The following PLBD1 variants were observed in gnomAD, a reference collection of about 807,000 sequenced individuals.
The protein encoded by PLBD1 is lysosomal leucine aminopeptidase.
Under a neutral mutation model 63.0 loss-of-function variants are expected in PLBD1, and 60 were observed. The ratio of observed to expected loss-of-function variants is 0.95; its 90% CI spans 0.77 to 1.18. The LOEUF (loss-of-function observed/expected upper bound fraction) is 1.18, where lower values mean the gene tolerates loss of function less well. Among genes scored for constraint, PLBD1 ranks in the 50% most tolerant of loss-of-function variants. PLBD1 has a pLI of 0.00. For synonymous variants in PLBD1, 262 were observed against 248.0 expected, an observed-to-expected ratio of 1.06 and a Z score of -0.53; for missense variants, 598 against 677.9, an observed-to-expected ratio of 0.88 and a Z score of 1.31.
chr12:14,534,253 A>G (rs1300619124), intron 6 of PLBD1, among the ~76,000 whole-genome samples: 1 of 152,200 alleles, frequency 6.6e-6, no homozygotes, highest in Non-Finnish European at 1.5e-5. Context: ...ACGGATGCGT[A>G]ATTAAAGGTC....
At chr12:14,538,715 C>T (rs1443086663) in intron 4 of PLBD1, among the ~76,000 whole-genome samples, 1 of 152,074 alleles carries the variant, frequency 6.6e-6, no homozygotes, top group East Asian at 1.9e-4. Flanking sequence ...AAATTGTCCT[C>T]ATACGAATTG....
At chr12:14,553,131 T>G (rs565862886) in intron 2 of PLBD1, 62 bp downstream of exon 2, 31 of 1,387,754 alleles carry the variant, frequency 2.2e-5, no homozygotes, top group Admixed American at 2.0e-5. Flanking sequence ...TGAGAGTCAC[T>G]GTGGAACATG....
At position 14,567,847 on chromosome 12, in the gene PLBD1, G is replaced by T. The variant is rs1325316622; in HGVS notation, c.-151C>A. The T allele has an allele frequency of 1.8e-6, 2 of 1,099,004 alleles. No individual in the cohort carries two copies. Among genetic ancestry groups the T allele is most frequent in the Non-Finnish European group, 2.4e-6 (2 of 835,686 alleles). 68.1% of individuals were successfully genotyped at this position (1,099,004 alleles called of 1,614,324 possible). The stretch of plus-strand genomic sequence containing the variant: ...CTTTCCTCTTTCTTGAGCCCGGCCT[G>T]CTCCGGGCTCTGAGGGGCGAGGACG... On this transcript the variant is annotated 5_prime_UTR_variant, in exon 1 of 11. Transcript: ENST00000240617.
At chr12:14,536,817 G>T in intron 4 of PLBD1, 107 bp from the exon 5 acceptor site, 1 of 1,413,510 alleles carries the variant, frequency 7.1e-7, no homozygotes, top group South Asian at 1.3e-5. Context: ...GGCTGTGCAT[G>T]GTGGCTCACG....
At chr12:14,532,257 G>C (rs977230531) in intron 6 of PLBD1, among the ~76,000 whole-genome samples, 12 of 152,128 alleles carry the variant, frequency 7.9e-5, no homozygotes, top group African/African-American at 2.7e-4. Context: ...TGCTGCAAAG[G>C]CCCGTTTGTG....
At position 14,511,267 on chromosome 12, in the gene PLBD1, T is replaced by C. The variant is rs149403554; in HGVS notation, c.1179A>G (p.Leu393=). The C allele has an allele frequency of 3.8e-6, 6 of 1,591,994 alleles. No homozygotes were observed. The highest frequency in any genetic ancestry group is 5.1e-6 in the Non-Finnish European group (6 of 1,172,238). The part of the protein sequence containing the change: ...YVEYSEQTDV[L]RKGYWPSYNV... ...ACGACATGAAGAAAGTACCTTTCCG[T>C]AGAACATCAGTTTGTTCAGAATATT... is the stretch of plus-strand genomic sequence containing the variant. Residue 393 remains leucine (L), a synonymous_variant, in exon 8 of 11, where the codon CTA becomes CTG. Coordinates refer to ENST00000240617, the MANE Select transcript of PLBD1 (RefSeq NM_024829.6).
intron 8 of PLBD1, 85 bp downstream of exon 8, chr12:14,511,175 A>C: frequency 1.6e-6 from 2 of 1,217,430 alleles, no homozygotes; most frequent in Non-Finnish European, 2.3e-6. Context: ...CCCCCACCAC[A>C]CATTCACACA....
rs1141509 is a variant in PLBD1 at position 14,567,620 on chromosome 12, G to T, written c.77C>A (p.Pro26Gln). ...PPLLLLLLLL[P>Q]LLLVTAEPPK... ...CGGCTCCGCGGTGACTAACAACAGC[G>T]GCAGCAGCAGCAGCAGCAGCAGAAG... The change falls in exon 1 of 11, where the codon CCG becomes CAG. Residue 26 changes from proline (P) to glutamine (Q), a missense_variant. By Grantham distance (76) the Pro-to-Gln change is moderately conservative. Coordinates refer to ENST00000240617, the MANE Select transcript of PLBD1 (RefSeq NM_024829.6). 411,898 of 1,478,194 alleles carry T rather than the reference G, an allele frequency of 0.28. 56,494 individuals carry two copies. Among genetic ancestry groups the T allele is most frequent in the Admixed American group, 0.32 (14,370 of 44,294 alleles). The allele number at this position is 1,478,194 out of a possible 1,614,324, so 91.6% of individuals were successfully genotyped here.
chr12:14,541,000 G>C, intron 3 of PLBD1, 98 bp from the exon 4 acceptor site: 1 of 1,243,944 alleles, frequency 8.0e-7, no homozygotes, highest in South Asian at 2.0e-5. Context: ...AGACACTTAT[G>C]CTAATGTGAT....
At chr12:14,554,670 A>G (rs1360605466) in intron 1 of PLBD1, among the ~76,000 whole-genome samples, 3 of 151,686 alleles carry the variant, frequency 2.0e-5, no homozygotes, top group East Asian at 1.9e-4. Context: ...CAGGATACCA[A>G]TGCGTCTTCT....
chr12:14,547,683 A>G (rs1592007103), intron 2 of PLBD1, among the ~76,000 whole-genome samples: 1 of 152,096 alleles, frequency 6.6e-6, no homozygotes, highest in Non-Finnish European at 1.5e-5. Flanking sequence ...CATGTTGAGA[A>G]TCAAAAAGAC....
intron 6 of PLBD1, among the ~76,000 whole-genome samples, chr12:14,532,173 A>G (rs953289621): frequency 3.3e-5 from 5 of 152,112 alleles, no homozygotes; most frequent in Admixed American, 2.0e-4. Context: ...TCCCAATCAC[A>G]CCAGAAAAAT....
chr12:14,506,214 C>G lies in PLBD1; in HGVS notation c.1427G>C (p.Arg476Pro), dbSNP rs149722587. 2.2e-5 allele frequency: 36 copies of G among 1,612,954 alleles called. No homozygotes were observed. The highest frequency in any genetic ancestry group is 2.6e-5 in the Non-Finnish European group (31 of 1,179,390). ...RGDPCNTICC[R>P]EDLNSPNPSP... The stretch of plus-strand genomic sequence containing the variant: ...TGGGTTAGGTGAGTTCAGGTCCTCA[C>G]GGCAGCAGATGGTATTACAGGGGTC... The change falls in exon 10 of 11, where the codon CGT (arginine) becomes CCT (proline). Residue 476 changes from arginine to proline, a missense_variant. Coordinates refer to ENST00000240617, the MANE Select transcript of PLBD1 (RefSeq NM_024829.6).
chr12:14,551,531 T>A (rs1296547888), intron 2 of PLBD1, among the ~76,000 whole-genome samples: 6 of 152,200 alleles, frequency 3.9e-5, no homozygotes, highest in Non-Finnish European at 2.9e-5. Flanking sequence ...CAAAAGTGGC[T>A]GCTATGAGAT....
intron 6 of PLBD1, among the ~76,000 whole-genome samples, chr12:14,531,631 CTCTT>C (rs1460676414): frequency 2.6e-5 from 4 of 152,090 alleles, no homozygotes; most frequent in Non-Finnish European, 5.9e-5. Context: ...AGAATGTAAT[CTCTT>C]TGTTGTTGTT....
chr12:14,529,389 C>G (rs1945441976), intron 6 of PLBD1, among the ~76,000 whole-genome samples: 1 of 151,920 alleles, frequency 6.6e-6, no homozygotes, highest in African/African-American at 2.4e-5. Flanking sequence ...AAATCATTAA[C>G]ACGTTAGTAA....
intron 8 of PLBD1, among the ~76,000 whole-genome samples, chr12:14,507,871 G>A (rs1945267838): frequency 6.6e-6 from 1 of 152,188 alleles, no homozygotes; most frequent in African/African-American, 2.4e-5. Context: ...TGTAAAAGCA[G>A]AATTTCAGAA....
Position 14,540,804 on chromosome 12 carries a change from T to G in PLBD1, c.518A>C (p.Tyr173Ser). 6.2e-7 allele frequency: 1 copy of G among 1,610,664 alleles called. No homozygotes were observed. Among genetic ancestry groups the G allele is most frequent in the Non-Finnish European group, 8.5e-7 (1 of 1,177,594 alleles). The change falls in exon 4 of 11, where the codon TAT (tyrosine) becomes TCT (serine). Residue 173 changes from tyrosine (Y) to serine (S), a missense_variant. Coordinates refer to ENST00000240617, the MANE Select transcript of PLBD1 (RefSeq NM_024829.6). ...TATAGCCCTCTTCTTTGCTCCTACA[T>G]AGAGGCCATCTATTTGTGCCATCAC... is the stretch of plus-strand genomic sequence containing the variant. Reference protein sequence around the residue: ...GYVMAQIDGLYVGAKKRAILE... With the variant: ...GYVMAQIDGLSVGAKKRAILE...
In PLBD1 at chr12:14,511,247, A is replaced by T; in HGVS notation, c.1186+13T>A. The T allele has an allele frequency of 6.4e-7, 1 of 1,573,452 alleles. No homozygotes were observed. Among genetic ancestry groups the T allele is most frequent in the East Asian group, 2.2e-5 (1 of 44,700 alleles). ...CTCATCAGGTTTTAAGACTTACGAC[A>T]TGAAGAAAGTACCTTTCCGTAGAAC... On this transcript the variant is annotated intron_variant, in intron 8 of 10. Transcript: ENST00000240617.
Sources: gnomAD v4.1 joint callset for allele counts (sites outside exome capture counted in the v4.1 genomes callset) on GRCh38, gnomAD v4.1.1 for gene constraint, MANE v1.5 for transcripts, NCBI Gene and HGNC (gene_info 2026-07-23, HGNC 2026-07-21) for gene names.